The following PACRG variants were observed in gnomAD, a reference collection of about 807,000 sequenced individuals.
PACRG encodes the protein parkin coregulated gene protein.
PACRG carries 29 observed loss-of-function variants against 29.7 expected under a neutral mutation model. The ratio of observed to expected loss-of-function variants is 0.98; its 90% CI spans 0.73 to 1.33. The LOEUF is 1.33. Ranked by LOEUF, PACRG falls within the 40% of genes most tolerant of loss-of-function variation. The pLI, the probability that PACRG is intolerant of heterozygous loss-of-function variation, is 0.00. For missense variants in PACRG, 279 were observed against 316.2 expected, an observed-to-expected ratio of 0.88 and a Z score of 0.89; for synonymous variants, 116 against 118.7, an observed-to-expected ratio of 0.98 and a Z score of 0.15.
chr6:162,768,255 G>A (rs1253647700), intron 1 of PACRG, among the ~76,000 whole-genome samples: 2 of 152,044 alleles, frequency 1.3e-5, no homozygotes, highest in African/African-American at 2.4e-5. Flanking sequence ...AATAGTGATT[G>A]TCTCTCAGTA....
chr6:163,079,362 C>A (rs1812853910), intron 3 of PACRG, among the ~76,000 whole-genome samples: 1 of 149,402 alleles, frequency 6.7e-6, no homozygotes, highest in South Asian at 2.1e-4. Context: ...CAGGCTGGTA[C>A]CAAATCATTA....
At chr6:162,771,995 T>C (rs1006743290) in intron 1 of PACRG, among the ~76,000 whole-genome samples, 3 of 152,132 alleles carry the variant, frequency 2.0e-5, no homozygotes, top group African/African-American at 7.2e-5. Context: ...TCACTTCTAA[T>C]GGAAGTTGAT....
intron 4 of PACRG, among the ~76,000 whole-genome samples, chr6:163,261,350 C>T (rs1353563013): frequency 6.6e-6 from 1 of 151,984 alleles, no homozygotes; most frequent in Non-Finnish European, 1.5e-5. Context: ...ACCTATCAAC[C>T]CGTCATCTAG....
chr6:162,917,097 A>T (rs564417559), intron 2 of PACRG, among the ~76,000 whole-genome samples: 2 of 152,250 alleles, frequency 1.3e-5, no homozygotes, highest in East Asian at 3.9e-4. Flanking sequence ...TTCGAGTCTC[A>T]CATATGCCTG....
At chr6:163,077,355 G>A (rs1026524312) in intron 3 of PACRG, among the ~76,000 whole-genome samples, 1 of 152,006 alleles carries the variant, frequency 6.6e-6, no homozygotes, top group African/African-American at 2.4e-5. Flanking sequence ...CCATAACACG[G>A]TGGCTTCATT....
intron 4 of PACRG, among the ~76,000 whole-genome samples, chr6:163,302,205 C>A (rs1052897744): frequency 2.3e-4 from 35 of 152,266 alleles, no homozygotes; most frequent in Non-Finnish European, 3.5e-4. Flanking sequence ...AACTTCCCCC[C>A]ACAGTTTAGA....
chr6:163,219,575 G>A lies in PACRG; in HGVS notation c.614-95252G>A, dbSNP rs550308928. ...CCTCCCAATGGTTTCTCATTGAGCT[G>A]AGAGTAAAATCCTCCTCCCCACTGC... On this transcript the variant is annotated intron_variant, in intron 4 of 4. Coordinates refer to ENST00000366888, the MANE Select transcript of PACRG (RefSeq NM_001080379.2). Among the ~76,000 whole-genome samples, 195 of 152,254 alleles carry A rather than the reference G, an allele frequency of 1.3e-3. No homozygotes were observed. In the Middle Eastern group the frequency reaches 0.014, roughly 11 times the overall value.
At chr6:162,895,408 GCCTTTGTA>G (rs1795095424) in intron 2 of PACRG, among the ~76,000 whole-genome samples, 1 of 152,106 alleles carries the variant, frequency 6.6e-6, no homozygotes, top group African/African-American at 2.4e-5. Context: ...AAAGCTCATG[GCCTTTGTA>G]CCATTCTGTG....
chr6:163,292,277 C>T (rs1321873139), intron 4 of PACRG, among the ~76,000 whole-genome samples: 2 of 152,192 alleles, frequency 1.3e-5, no homozygotes, highest in African/African-American at 4.8e-5. Context: ...CAAGACCCAA[C>T]TCTTTTGGTA....
intron 4 of PACRG, among the ~76,000 whole-genome samples, chr6:163,247,393 A>G (rs911214044): frequency 2.0e-5 from 3 of 152,168 alleles, no homozygotes; most frequent in African/African-American, 7.2e-5. Flanking sequence ...AGGTATTATT[A>G]TTATTAAAAG....
At chr6:162,841,301 ACTTCTT>A (rs1296888175) in intron 2 of PACRG, among the ~76,000 whole-genome samples, 2 of 146,946 alleles carry the variant, frequency 1.4e-5, no homozygotes, top group Non-Finnish European at 3.0e-5. Flanking sequence ...CAGAGATTCA[ACTTCTT>A]CCTGGTTTAG....
chr6:162,906,713 C>A (rs1003299131), intron 2 of PACRG, among the ~76,000 whole-genome samples: 1 of 152,174 alleles, frequency 6.6e-6, no homozygotes, highest in African/African-American at 2.4e-5. Context: ...TATTGAAGAT[C>A]TTTATGCCTC....
At chr6:163,240,840 C>A (rs1003417045) in intron 4 of PACRG, among the ~76,000 whole-genome samples, 2 of 152,230 alleles carry the variant, frequency 1.3e-5, no homozygotes, top group Non-Finnish European at 2.9e-5. Context: ...CAGTATCCCC[C>A]CTCAAGTAAA....
chr6:162,741,538 G>A (rs1780598965), intron 1 of PACRG, among the ~76,000 whole-genome samples: 1 of 151,640 alleles, frequency 6.6e-6, no homozygotes, highest in Non-Finnish European at 1.5e-5. Context: ...TCTCTTTCTT[G>A]TAGAGCCACT....
At chr6:163,101,200 G>C (rs746805295) in intron 4 of PACRG, 29 of 982,166 alleles carry the variant, frequency 3.0e-5, no homozygotes, top group Non-Finnish European at 3.5e-5. Context: ...TTCATTTCTT[G>C]AAAGTATCTT....
At chr6:163,204,379 A>G (rs749390782) in intron 4 of PACRG, among the ~76,000 whole-genome samples, 46 of 152,332 alleles carry the variant, frequency 3.0e-4, no homozygotes, top group Middle Eastern at 3.4e-3. Flanking sequence ...TATATGTGCC[A>G]ATACAAAAAT....
At chr6:163,158,308 T>G (rs113319598) in intron 4 of PACRG, among the ~76,000 whole-genome samples, 2 of 152,130 alleles carry the variant, frequency 1.3e-5, no homozygotes, top group African/African-American at 4.8e-5. Flanking sequence ...ATCCCGGTGA[T>G]GAGGAGGAGG....
intron 2 of PACRG, among the ~76,000 whole-genome samples, chr6:162,944,038 C>T (rs755832388): frequency 2.4e-4 from 37 of 152,144 alleles, no homozygotes; most frequent in East Asian, 1.9e-4. Context: ...GTCCTGCTAG[C>T]GCTAGTACCA....
At chr6:163,311,835 T>C (rs767317576) in intron 4 of PACRG, among the ~76,000 whole-genome samples, 33 of 152,098 alleles carry the variant, frequency 2.2e-4, no homozygotes, top group Non-Finnish European at 4.3e-4. Flanking sequence ...AGTAAGAACA[T>C]GAGATAAAGT....
Sources: gnomAD v4.1 joint callset for allele counts (sites outside exome capture counted in the v4.1 genomes callset) on GRCh38, gnomAD v4.1.1 for gene constraint, MANE v1.5 for transcripts, NCBI Gene and HGNC (gene_info 2026-07-23, HGNC 2026-07-21) for gene names.